MINK1: variants seen among roughly 807,000 people sequenced by gnomAD.
MINK1 encodes misshapen like kinase 1, also known as misshapen-like kinase 1.
Under a neutral mutation model 178.4 loss-of-function variants are expected in MINK1, and 46 were observed. The observed-to-expected ratio is 0.26, with a 90% CI of 0.20 to 0.33. The LOEUF (loss-of-function observed/expected upper bound fraction) is 0.33. Among genes scored for constraint, MINK1 ranks in the 10% least tolerant of loss-of-function variants. The probability of loss-of-function intolerance (pLI) is 1.00; values close to 1 mark genes in which losing one functional copy is unlikely to be tolerated. For missense variants in MINK1, 1,366 were observed against 1,814.9 expected (o/e 0.75, Z 4.49); for synonymous variants, 797 against 709.7 (o/e 1.12, Z -1.96).
At position 4,896,889 on chromosome 17, in the gene MINK1, G is replaced by C. The variant is rs1228913727; in HGVS notation, c.3915+76G>C. The stretch of plus-strand genomic sequence containing the variant: ...CTAGGCCCCTGGGCAGAGTTCTGGG[G>C]AGAGGATGGTGGTGGTGGCTTCCTG... On this transcript the variant is annotated intron_variant, in intron 31 of 31. Transcript: ENST00000355280. The surrounding 1 kb of genome is among the most constrained non-coding windows in gnomAD (Gnocchi z 4.6). The C allele has an allele frequency of 4.7e-6, 7 of 1,488,524 alleles. No homozygotes were observed. Among genetic ancestry groups the C allele is most frequent in the Non-Finnish European group, 6.2e-6 (7 of 1,120,764 alleles). 92.2% of individuals were successfully genotyped at this position (1,488,524 alleles called of 1,614,324 possible).
chr17:4,890,822 A>G, intron 14 of MINK1, 87 bp downstream of exon 14: 1 of 1,515,862 alleles, frequency 6.6e-7, no homozygotes, highest in Non-Finnish European at 8.9e-7. Flanking sequence ...TCACAGTAGC[A>G]GGCACCAAGT....
Position 4,886,616 on chromosome 17 carries a change from G to C in MINK1, c.939G>C (p.Arg313=). 1 of 1,591,808 alleles carries C rather than the reference G, an allele frequency of 6.3e-7. No homozygotes were observed. The highest frequency in any genetic ancestry group is 8.6e-7 in the Non-Finnish European group (1 of 1,167,704). The change falls in exon 10 of 32, where the codon CGG becomes CGC. Residue 313 remains arginine, a synonymous_variant. Transcript: ENST00000355280. This position sits in a 1 kb window ranked among gnomAD's most constrained non-coding sequence, Gnocchi z 6.1. ...KDHIDRSRKK[R]GEKEETEYEY... is the part of the protein sequence containing the mutation. ...ACATTGACCGATCCCGGAAGAAGCG[G>C]GGTGAGAAAGGTCAGTGGGCAGGCT... is the stretch of plus-strand genomic sequence containing the variant.
chr17:4,891,389 A>G, intron 15 of MINK1, 67 bp from the exon 16 acceptor site: 1 of 1,499,428 alleles, frequency 6.7e-7, no homozygotes, highest in East Asian at 2.3e-5. Flanking sequence ...CCCACCCCAG[A>G]CCCCAATTCG....
Position 4,895,193 on chromosome 17 carries a change from G to A in MINK1, c.3036G>A (p.Arg1012=), listed in dbSNP as rs756356495. The A allele has an allele frequency of 6.2e-7, 1 of 1,614,134 alleles. No homozygotes were observed. Among genetic ancestry groups the A allele is most frequent in the Admixed American group, 1.7e-5 (1 of 60,018 alleles). The change falls in exon 25 of 32, where the codon CGG becomes CGA. Residue 1012 remains arginine, a synonymous_variant. Coordinates refer to ENST00000355280, the MANE Select transcript of MINK1 (RefSeq NM_153827.5). The surrounding 1 kb of genome is among the most constrained non-coding windows in gnomAD (Gnocchi z 4.3). ...TRAHSETPEI[R]KYKKRFNSEI... ...CCCACAGTGAGACCCCTGAGATCCG[G>A]AAGTACAAGAAGCGATTCAACTCCG...
intron 1 of MINK1, among the ~76,000 whole-genome samples, chr17:4,838,694 C>A (rs1357327356): frequency 6.6e-6 from 1 of 152,178 alleles, no homozygotes; most frequent in Non-Finnish European, 1.5e-5. Flanking sequence ...GACTGGAGAA[C>A]ATCTCCAGAA....
intron 4 of MINK1, among the ~76,000 whole-genome samples, chr17:4,881,921 T>G (rs1282499468): frequency 2.0e-5 from 3 of 152,270 alleles, no homozygotes; most frequent in African/African-American, 7.2e-5. Context: ...GCAATGGCTG[T>G]CGGGAGTTTT....
rs1374740248 is a variant in MINK1 at position 4,833,424 on chromosome 17, G to T, written c.-160G>T. The T allele has an allele frequency of 3.5e-6, 2 of 567,810 alleles. No homozygotes were observed. Among genetic ancestry groups the T allele is most frequent in the South Asian group, 4.2e-5 (2 of 47,214 alleles). The allele number at this position is 567,810 out of a possible 1,614,324, so 35.2% of individuals were successfully genotyped here. On this transcript the variant is annotated 5_prime_UTR_variant, in exon 1 of 32. Transcript: ENST00000355280. The surrounding 1 kb of genome is among the most constrained non-coding windows in gnomAD (Gnocchi z 4.8). Reference sequence around the variant, plus strand: ...GGGAGATAGCGCCTGTCAGTCGGTGGGTCGGTCCTCGCGCCGGCCCTCCCC... The same window carrying T: ...GGGAGATAGCGCCTGTCAGTCGGTGTGTCGGTCCTCGCGCCGGCCCTCCCC...
At chr17:4,837,276 A>G (rs532228627) in intron 1 of MINK1, among the ~76,000 whole-genome samples, 1 of 152,318 alleles carries the variant, frequency 6.6e-6, no homozygotes, top group East Asian at 1.9e-4. Flanking sequence ...GCCTGTAAGC[A>G]TGTTTTGCAC....
Position 4,887,709 on chromosome 17 carries a change from C to T in MINK1, c.1149C>T (p.Pro383=), listed in dbSNP as rs947860312. 14 of 1,557,796 alleles carry T rather than the reference C, an allele frequency of 9.0e-6. No homozygotes were observed. Among genetic ancestry groups the T allele is most frequent in the African/African-American group, 6.8e-5 (5 of 73,140 alleles). ...TGCAGCAGCAGCAGCAGCGAGACCC[C>T]GAGGCACACATCAAACACCTGCTGC... ...QQLQQQQQRD[P]EAHIKHLLHQ... is the part of the protein sequence containing the mutation. Residue 383 remains proline, a synonymous_variant, in exon 12 of 32, where the codon CCC becomes CCT. Coordinates refer to ENST00000355280, the MANE Select transcript of MINK1 (RefSeq NM_153827.5). The surrounding 1 kb of genome is among the most constrained non-coding windows in gnomAD (Gnocchi z 7.6).
chr17:4,897,049 C>T, intron 31 of MINK1, 155 bp from the exon 32 acceptor site: 1 of 869,226 alleles, frequency 1.2e-6, no homozygotes, highest in Non-Finnish European at 1.8e-6. Flanking sequence ...TCCCAGCCTG[C>T]CTTTCCTCCG....
At chr17:4,893,636 C>G in intron 21 of MINK1, 39 bp downstream of exon 21, 1 of 1,504,054 alleles carries the variant, frequency 6.6e-7, no homozygotes, top group East Asian at 2.3e-5. Flanking sequence ...CTCCAAGGCA[C>G]AGGGAGGGAG....
Position 4,895,733 on chromosome 17 carries a change from T to G in MINK1, c.3265T>G (p.Trp1089Gly). The G allele has an allele frequency of 6.2e-7, 1 of 1,613,724 alleles. No homozygotes were observed. Among genetic ancestry groups the G allele is most frequent in the Non-Finnish European group, 8.5e-7 (1 of 1,179,778 alleles). ...CAAACTGCGGGTGTATTACCTGTCC[T>G]GGCTCCGGAACAAGATTCTGCACAA... ...RNKLRVYYLSWLRNKILHNDP... is the reference protein window; with the variant it reads ...RNKLRVYYLSGLRNKILHNDP... Residue 1089 changes from tryptophan to glycine, a missense_variant, in exon 27 of 32, where the codon TGG (tryptophan) becomes GGG (glycine). By Grantham distance (184) the Trp-to-Gly change is radical. This residue lies in a region of MINK1 where 77 missense variants were observed against 119.5 expected (regional missense o/e 0.64). Coordinates refer to ENST00000355280, the MANE Select transcript of MINK1 (RefSeq NM_153827.5). This position sits in a 1 kb window ranked among gnomAD's most constrained non-coding sequence, Gnocchi z 4.3.
At position 4,833,746 on chromosome 17, in the gene MINK1, C is replaced by G. The variant is rs1908842188; in HGVS notation, c.57+106C>G. On this transcript the variant is annotated intron_variant, in intron 1 of 31. Transcript: ENST00000355280. This position sits in a 1 kb window ranked among gnomAD's most constrained non-coding sequence, Gnocchi z 4.8. The stretch of plus-strand genomic sequence containing the variant: ...TGCTCCCGGGCGCCCCCTCCACCAG[C>G]TTGGGTCCCCTTGGCGACCCGTGCC... The G allele has an allele frequency of 1.1e-6, 1 of 920,716 alleles. No homozygotes were observed. Among genetic ancestry groups the G allele is most frequent in the Non-Finnish European group, 1.5e-6 (1 of 655,552 alleles). The allele number at this position is 920,716 out of a possible 1,614,324, so 57.0% of individuals were successfully genotyped here. A position where few individuals can be genotyped will look rare whatever the true frequency, so the allele number is the denominator to read the frequency against.
At position 4,878,308 on chromosome 17, in the gene MINK1, T is replaced by C. The variant is rs1225481341; in HGVS notation, c.58-9T>C. 3 of 1,536,658 alleles carry C rather than the reference T, an allele frequency of 2.0e-6. No homozygotes were observed. Among genetic ancestry groups the C allele is most frequent in the East Asian group, 4.9e-5 (2 of 40,918 alleles). ...CTTGACACAGTATTCTTCTGTCTCC[T>C]GCCCCTAGGACCCTGCTGGGATCTT... is the stretch of plus-strand genomic sequence containing the variant. On this transcript the variant is annotated splice_polypyrimidine_tract_variant and intron_variant, in intron 1 of 31. Coordinates refer to ENST00000355280, the MANE Select transcript of MINK1 (RefSeq NM_153827.5).
chr17:4,864,220 A>G (rs1199208951), intron 1 of MINK1, among the ~76,000 whole-genome samples: 1 of 147,122 alleles, frequency 6.8e-6, no homozygotes, highest in Non-Finnish European at 1.5e-5. Context: ...ACCGACATGG[A>G]GAAACCCCGT....
At chr17:4,880,938 T>A (rs1967645393) in intron 2 of MINK1, 46 bp from the exon 3 acceptor site, 1 of 1,442,460 alleles carries the variant, frequency 6.9e-7, no homozygotes, top group Non-Finnish European at 9.1e-7. Context: ...AAGCCCTCTC[T>A]ACGCTCCACC....
chr17:4,882,226 C>T (rs1967768589), intron 4 of MINK1, among the ~76,000 whole-genome samples: 1 of 152,240 alleles, frequency 6.6e-6, no homozygotes, highest in Non-Finnish European at 1.5e-5. Context: ...CTCTGCTCTC[C>T]AAGGAATAGG....
chr17:4,882,249 A>G (rs1261019994), intron 4 of MINK1, among the ~76,000 whole-genome samples: 1 of 152,174 alleles, frequency 6.6e-6, no homozygotes, highest in Non-Finnish European at 1.5e-5. Context: ...CATGCAAATT[A>G]CTTTTATTGC....
intron 1 of MINK1, among the ~76,000 whole-genome samples, chr17:4,849,349 T>C (rs1911558792): frequency 6.6e-6 from 1 of 152,180 alleles, no homozygotes; most frequent in African/African-American, 2.4e-5. Flanking sequence ...TGCCTCACCC[T>C]TGGGGACACA....
Sources: gnomAD v4.1 joint callset for allele counts (sites outside exome capture counted in the v4.1 genomes callset) on GRCh38, gnomAD v4.1.1 for gene constraint, gnomAD v4.1.1 regional missense constraint, Gnocchi (gnomAD v3.1) non-coding constraint, MANE v1.5 for transcripts, NCBI Gene and HGNC (gene_info 2026-07-23, HGNC 2026-07-21) for gene names.